DLG2: variants seen among roughly 807,000 people sequenced by gnomAD.
DLG2 encodes disks large homolog 2.
A neutral mutation model predicts 132.5 loss-of-function variants in DLG2; 45 were observed. That is an observed-to-expected ratio of 0.34 (90% CI 0.27 to 0.44). DLG2 has a LOEUF of 0.44. Among genes scored for constraint, DLG2 ranks in the 20% least tolerant of loss-of-function variants. The pLI, the probability that DLG2 is intolerant of heterozygous loss-of-function variation, is 1.00. For synonymous variants in DLG2, 424 were observed against 419.6 expected (o/e 1.01, Z -0.13); for missense variants, 1,045 against 1,196.9 (o/e 0.87, Z 1.87).
intron 7 of DLG2, among the ~76,000 whole-genome samples, chr11:84,321,000 A>G (rs2098401292): frequency 6.6e-6 from 1 of 152,240 alleles, no homozygotes; most frequent in South Asian, 2.1e-4. Context: ...TGAAAGAAAC[A>G]CTAGTAAAAA....
intron 14 of DLG2, among the ~76,000 whole-genome samples, chr11:83,949,959 A>G (rs2084982538): frequency 6.6e-6 from 1 of 152,198 alleles, no homozygotes; most frequent in African/African-American, 2.4e-5. Flanking sequence ...TTTGGAGACT[A>G]GTTCCCAGAT....
At chr11:84,429,831 G>A (rs1382690045) in intron 7 of DLG2, among the ~76,000 whole-genome samples, 5 of 152,092 alleles carry the variant, frequency 3.3e-5, no homozygotes, top group African/African-American at 1.2e-4. Context: ...ATATCAGGTA[G>A]AGGAATATCA....
At chr11:84,710,657 G>T (rs1270747350) in intron 6 of DLG2, among the ~76,000 whole-genome samples, 2 of 151,828 alleles carry the variant, frequency 1.3e-5, no homozygotes, top group African/African-American at 4.8e-5. Flanking sequence ...CACTGGACCA[G>T]CATTTTAGAG....
At chr11:84,231,247 C>G (rs2097089488) in intron 8 of DLG2, among the ~76,000 whole-genome samples, 1 of 152,140 alleles carries the variant, frequency 6.6e-6, no homozygotes, top group African/African-American at 2.4e-5. Context: ...GAGCCTCAAG[C>G]TATGATGTTA....
chr11:83,844,315 C>T (rs962567684), intron 16 of DLG2, among the ~76,000 whole-genome samples: 4 of 147,076 alleles, frequency 2.7e-5, no homozygotes, highest in Non-Finnish European at 4.5e-5. Flanking sequence ...GAGGCCGAGG[C>T]GGGTGGATCA....
intron 6 of DLG2, among the ~76,000 whole-genome samples, chr11:84,797,648 T>C (rs1206810224): frequency 6.6e-6 from 1 of 152,230 alleles, no homozygotes; most frequent in Non-Finnish European, 1.5e-5. Flanking sequence ...TTGAATTAGA[T>C]TGAGCTTCCT....
chr11:84,936,108 C>T (rs569417990), intron 6 of DLG2, among the ~76,000 whole-genome samples: 1 of 152,078 alleles, frequency 6.6e-6, no homozygotes, highest in Non-Finnish European at 1.5e-5. Flanking sequence ...AGTAAATTAA[C>T]GGATGAATGA....
At chr11:84,296,761 G>C (rs2098093993) in intron 7 of DLG2, among the ~76,000 whole-genome samples, 1 of 152,144 alleles carries the variant, frequency 6.6e-6, no homozygotes, top group African/African-American at 2.4e-5. Context: ...TTGAGAGAGA[G>C]AGAGAGGAAA....
At chr11:83,823,646 GTCAT>G (rs112028362) in intron 17 of DLG2, among the ~76,000 whole-genome samples, 2,828 of 149,678 alleles carry the variant, frequency 0.019, 44 homozygotes, top group African/African-American at 0.04. Context: ...GCAAAGATGA[GTCAT>G]TCATTCATTC....
intron 6 of DLG2, among the ~76,000 whole-genome samples, chr11:84,585,858 C>T (rs1313998042): frequency 1.3e-5 from 2 of 152,152 alleles, no homozygotes; most frequent in African/African-American, 2.4e-5. Flanking sequence ...GACATTAAAA[C>T]GTATCTTATA....
At chr11:83,866,283 G>A (rs2062360278) in intron 16 of DLG2, among the ~76,000 whole-genome samples, 1 of 152,148 alleles carries the variant, frequency 6.6e-6, no homozygotes, top group East Asian at 1.9e-4. Flanking sequence ...AGGTAATGGT[G>A]CAAATGTCAA....
At chr11:85,534,137 G>A (rs540373773) in intron 3 of DLG2, among the ~76,000 whole-genome samples, 15 of 152,036 alleles carry the variant, frequency 9.9e-5, no homozygotes, top group African/African-American at 2.2e-4. Context: ...ACAGGCAGGC[G>A]CAACCATGCC....
intron 7 of DLG2, among the ~76,000 whole-genome samples, chr11:84,520,319 T>A (rs934415589): frequency 6.6e-6 from 1 of 152,180 alleles, no homozygotes; most frequent in African/African-American, 2.4e-5. Flanking sequence ...ACATCACTCA[T>A]AGCCTTTGAT....
intron 14 of DLG2, among the ~76,000 whole-genome samples, chr11:83,936,156 T>C (rs2081383842): frequency 6.6e-6 from 1 of 152,230 alleles, no homozygotes; most frequent in Non-Finnish European, 1.5e-5. Context: ...GTTCACACGA[T>C]AGCACTTTCA....
chr11:84,930,073 A>G (rs977989439), intron 6 of DLG2, among the ~76,000 whole-genome samples: 15 of 152,108 alleles, frequency 9.9e-5, no homozygotes, highest in Admixed American at 9.2e-4. Flanking sequence ...TGGAATGGAC[A>G]TATCTTAACC....
chr11:83,467,143 G>A (rs76090593), intron 25 of DLG2, among the ~76,000 whole-genome samples: 8,348 of 152,218 alleles, frequency 0.055, 805 homozygotes, highest in African/African-American at 0.19. Flanking sequence ...TTCTCATGAA[G>A]TTTAAAAACC....
chr11:84,748,025 C>T (rs2065608482), intron 6 of DLG2, among the ~76,000 whole-genome samples: 1 of 152,180 alleles, frequency 6.6e-6, no homozygotes, highest in South Asian at 2.1e-4. Flanking sequence ...CCTGTTGCTA[C>T]AGTGCTGATG....
intron 17 of DLG2, among the ~76,000 whole-genome samples, chr11:83,833,281 T>C (rs1407883834): frequency 3.3e-5 from 5 of 152,012 alleles, no homozygotes; most frequent in African/African-American, 1.2e-4. Flanking sequence ...TTACTTAAAA[T>C]ACAAAAATTA....
At chr11:83,935,208 T>C (rs1037279294) in intron 14 of DLG2, among the ~76,000 whole-genome samples, 3 of 152,186 alleles carry the variant, frequency 2.0e-5, no homozygotes, top group Non-Finnish European at 4.4e-5. Context: ...TATTGCCAGA[T>C]ATCATTTGAG....
Sources: allele counts gnomAD v4.1 joint callset (sites outside exome capture counted in the v4.1 genomes callset), GRCh38; gene constraint gnomAD v4.1.1; transcripts MANE v1.5; gene names NCBI Gene and HGNC (gene_info 2026-07-23, HGNC 2026-07-21).